DPH6: variants seen among roughly 807,000 people sequenced by gnomAD.
DPH6 encodes diphthamine biosynthesis 6, also known as diphthine--ammonia ligase.
Under a neutral mutation model 38.2 loss-of-function variants are expected in DPH6, and 33 were observed. The ratio of observed to expected loss-of-function variants is 0.86; its 90% CI spans 0.65 to 1.15. The LOEUF is 1.15. Ranked by LOEUF, DPH6 falls within the 50% of genes most tolerant of loss-of-function variation. The pLI is 0.00. For synonymous variants in DPH6, 108 were observed against 103.0 expected (o/e 1.05, Z -0.30); for missense variants, 325 against 320.0 (o/e 1.02, Z -0.12).
chr15:35,187,289 T>A, the DPH6 span, among the ~76,000 whole-genome samples: 1 of 152,164 alleles, frequency 6.6e-6, no homozygotes, highest in East Asian at 1.9e-4. Context: ...AACTGATACA[T>A]AAACCTAGTC....
At chr15:35,271,233 G>A (rs2051820417) in intron 3 of DPH6, among the ~76,000 whole-genome samples, 2 of 151,598 alleles carry the variant, frequency 1.3e-5, no homozygotes. Flanking sequence ...TTAAATAAAA[G>A]GTCAATGGAG....
intron 3 of DPH6, among the ~76,000 whole-genome samples, chr15:35,293,933 C>T (rs184773319): frequency 2.6e-5 from 4 of 152,244 alleles, no homozygotes; most frequent in African/African-American, 9.6e-5. Flanking sequence ...GCATAAGGGG[C>T]ACAGTTACCA....
At chr15:35,235,962 T>C (rs1347579049) in intron 3 of DPH6, among the ~76,000 whole-genome samples, 1 of 152,142 alleles carries the variant, frequency 6.6e-6, no homozygotes, top group Non-Finnish European at 1.5e-5. Context: ...GGACTAATAA[T>C]ATATTGAAAT....
At chr15:35,494,079 A>G (rs2054517717) in intron 3 of DPH6, among the ~76,000 whole-genome samples, 1 of 152,034 alleles carries the variant, frequency 6.6e-6, no homozygotes, top group Non-Finnish European at 1.5e-5. Flanking sequence ...TAGTCTCCTT[A>G]TCTGTAAAAG....
chr15:35,248,580 C>T (rs145416573), intron 3 of DPH6, among the ~76,000 whole-genome samples: 1,571 of 152,290 alleles, frequency 0.01, 13 homozygotes, highest in South Asian at 0.046. Flanking sequence ...ATCTAAAGCA[C>T]CCATGCATAA....
At chr15:35,362,975 A>AT (rs139360353) in intron 3 of DPH6, among the ~76,000 whole-genome samples, 1 of 152,052 alleles carries the variant, frequency 6.6e-6, no homozygotes, top group African/African-American at 2.4e-5. Flanking sequence ...TTTATTACTG[A>AT]TTTTTAGCAT....
In DPH6 at chr15:35,311,083, A is replaced by AAC. The variant is rs1566866195; in HGVS notation, n.200+62437_200+62438insGT. On this transcript the variant is annotated intron_variant and non_coding_transcript_variant, in intron 3 of 3. Transcript: ENST00000560386. ...TCAAAAACAACAACAACAACAACAA[A>AAC]AAAAAAAACCCAAAAAAACCAGATC... Among the ~76,000 whole-genome samples, 92 of 146,542 alleles carry AAC rather than the reference A, an allele frequency of 6.3e-4. 1 individual carries two copies. The highest frequency in any genetic ancestry group is 2.0e-3 in the African/African-American group (72 of 36,484).
chr15:35,471,480 C>A (rs954761732), intron 3 of DPH6, among the ~76,000 whole-genome samples: 6 of 152,192 alleles, frequency 3.9e-5, no homozygotes, highest in Non-Finnish European at 7.3e-5. Flanking sequence ...ATTAGATTTA[C>A]CTTCTCAAAA....
At chr15:35,438,032 G>C (rs1464034689) in intron 5 of DPH6, among the ~76,000 whole-genome samples, 1 of 152,146 alleles carries the variant, frequency 6.6e-6, no homozygotes, top group Non-Finnish European at 1.5e-5. Flanking sequence ...CTGGCCACTT[G>C]GCATGGTTAA....
intron 3 of DPH6, among the ~76,000 whole-genome samples, chr15:35,251,143 C>A (rs2051670839): frequency 6.6e-6 from 1 of 152,224 alleles, no homozygotes; most frequent in African/African-American, 2.4e-5. Context: ...CCAAACTTGA[C>A]ATGCCAGTCC....
intron 3 of DPH6, among the ~76,000 whole-genome samples, chr15:35,350,322 G>GTTTTTTT (rs60012895): frequency 7.1e-6 from 1 of 139,902 alleles, no homozygotes; most frequent in Non-Finnish European, 1.6e-5. Flanking sequence ...ACTGGAGTCT[G>GTTTTTTT]TTTTTTTTTT....
intron 5 of DPH6, among the ~76,000 whole-genome samples, chr15:35,420,473 C>T (rs949408723): frequency 6.6e-6 from 1 of 152,032 alleles, no homozygotes; most frequent in East Asian, 1.9e-4. Flanking sequence ...TTGAGCCTGG[C>T]AAAACAATGC....
intron 3 of DPH6, among the ~76,000 whole-genome samples, chr15:35,516,927 T>C (rs1486270940): frequency 6.6e-6 from 1 of 152,150 alleles, no homozygotes; most frequent in African/African-American, 2.4e-5. Context: ...TTGCTTGTGG[T>C]TCCAAAAGAT....
chr15:35,233,163 G>C (rs530525985), intron 3 of DPH6, among the ~76,000 whole-genome samples: 2 of 152,118 alleles, frequency 1.3e-5, no homozygotes, highest in African/African-American at 4.8e-5. Flanking sequence ...AAAAAAATTA[G>C]AAAGGTGTGG....
intron 3 of DPH6, among the ~76,000 whole-genome samples, chr15:35,512,754 T>C (rs1440541798): frequency 1.3e-5 from 2 of 152,112 alleles, no homozygotes; most frequent in African/African-American, 4.8e-5. Flanking sequence ...TTTTAAAATA[T>C]AAATAATGAA....
intron 3 of DPH6, among the ~76,000 whole-genome samples, chr15:35,350,020 G>A (rs1047062505): frequency 6.6e-6 from 1 of 152,134 alleles, no homozygotes; most frequent in Admixed American, 6.5e-5. Flanking sequence ...GTTTGAGAAG[G>A]ATTTTTGTTA....
chr15:35,368,001 T>C (rs1038101941), downstream of DPH6, among the ~76,000 whole-genome samples: 1 of 151,904 alleles, frequency 6.6e-6, no homozygotes, highest in Admixed American at 6.6e-5. Flanking sequence ...TAATAGCTGT[T>C]ACAGAATTTA....
the DPH6 span, among the ~76,000 whole-genome samples, chr15:35,149,336 C>G: frequency 2.0e-5 from 3 of 152,170 alleles, no homozygotes; most frequent in African/African-American, 7.2e-5. Flanking sequence ...CTCCCAGGTT[C>G]AAGCGATTCT....
At chr15:35,180,174 T>G in the DPH6 span, among the ~76,000 whole-genome samples, 1 of 152,114 alleles carries the variant, frequency 6.6e-6, no homozygotes, top group Non-Finnish European at 1.5e-5. Context: ...ATTTCTGCCA[T>G]GAATATACAT....
Sources: allele counts gnomAD v4.1 joint callset (sites outside exome capture counted in the v4.1 genomes callset), GRCh38; gene constraint gnomAD v4.1.1; transcripts MANE v1.5; gene names NCBI Gene and HGNC (gene_info 2026-07-23, HGNC 2026-07-21).